Variants in POGZ observed in about 807,000 individuals in gnomAD.
POGZ encodes the protein pogo transposable element derived with ZNF domain.
POGZ carries 17 observed loss-of-function variants against 134.6 expected under a neutral mutation model. The ratio of observed to expected loss-of-function variants is 0.13; its 90% confidence interval spans 0.09 to 0.19. The LOEUF is 0.19. POGZ is among the 10% of genes least tolerant of loss of function. The pLI is 1.00. For synonymous variants in POGZ, 693 were observed against 657.1 expected, an observed-to-expected ratio of 1.05 and a Z score of -0.84; for missense variants, 1,306 against 1,769.7, an observed-to-expected ratio of 0.74 and a Z score of 4.70.
chr1:151,445,535 AAAAGAAAAAAAG>A (rs1449979649), intron 1 of POGZ, among the ~76,000 whole-genome samples: 1 of 151,710 alleles, frequency 6.6e-6, no homozygotes, highest in African/African-American at 2.4e-5. Flanking sequence ...AAAAAAAAAA[AAAAGAAAAAAAG>A]AAAGAGACAA....
intron 1 of POGZ, among the ~76,000 whole-genome samples, chr1:151,454,332 A>G (rs1662509275): frequency 1.3e-5 from 2 of 152,230 alleles, no homozygotes; most frequent in Non-Finnish European, 2.9e-5. Context: ...AAAAAGGACT[A>G]ATACCAGAAA....
At chr1:151,446,995 C>T (rs1661370197) in intron 1 of POGZ, among the ~76,000 whole-genome samples, 1 of 152,060 alleles carries the variant, frequency 6.6e-6, no homozygotes, top group Non-Finnish European at 1.5e-5. Context: ...GCCCCCACTT[C>T]CCTGTATTAT....
At chr1:151,433,186 A>G (rs1249967162) in intron 3 of POGZ, among the ~76,000 whole-genome samples, 1 of 152,244 alleles carries the variant, frequency 6.6e-6, no homozygotes, top group African/African-American at 2.4e-5. Flanking sequence ...AGCATTAGCA[A>G]GTCTCTTAAA....
At chr1:151,444,098 C>T (rs1660941128) in intron 1 of POGZ, among the ~76,000 whole-genome samples, 1 of 152,160 alleles carries the variant, frequency 6.6e-6, no homozygotes, top group Non-Finnish European at 1.5e-5. Context: ...TCAGCTATAG[C>T]CAGGGGCACT....
intron 3 of POGZ, among the ~76,000 whole-genome samples, chr1:151,434,964 G>C (rs1382708195): frequency 6.9e-6 from 1 of 144,904 alleles, no homozygotes; most frequent in Non-Finnish European, 1.5e-5. Context: ...GGAATGGCAT[G>C]ACCTCAGCTC....
chr1:151,414,881 A>C (rs561948266), intron 10 of POGZ, among the ~76,000 whole-genome samples: 1 of 152,334 alleles, frequency 6.6e-6, no homozygotes, highest in South Asian at 2.1e-4. Context: ...GTAACCTTTG[A>C]CACATCAGTT....
intron 1 of POGZ, among the ~76,000 whole-genome samples, chr1:151,449,701 C>T (rs576368741): frequency 6.6e-6 from 1 of 152,096 alleles, no homozygotes; most frequent in African/African-American, 2.4e-5. Context: ...TCAAGACCAT[C>T]CTGGCTAACA....
intron 4 of POGZ, 73 bp from the exon 5 acceptor site, chr1:151,429,784 ATCC>A: frequency 6.4e-6 from 5 of 781,412 alleles, no homozygotes; most frequent in Admixed American, 2.2e-5. Context: ...TATGACCTAC[ATCC>A]AAAAAAAAAT....
At chr1:151,434,375 G>A (rs1659238126) in intron 3 of POGZ, among the ~76,000 whole-genome samples, 1 of 152,070 alleles carries the variant, frequency 6.6e-6, no homozygotes. Context: ...TTGGGGGGCC[G>A]AGGTGGGAGG....
chr1:151,424,152 AGGTGTAGAAGAG>A lies in POGZ; in HGVS notation c.1308_1319del (p.Ser437_Pro440del), dbSNP rs1190058788. On this transcript the variant is annotated inframe_deletion, in exon 9 of 19. Coordinates refer to ENST00000271715, the MANE Select transcript of POGZ (RefSeq NM_015100.4). ...TGGTAGGCGGTGACAGAGCAGGAAT[AGGTGTAGAAGAG>A]GGTGTGGAAGCAACAGGAGCTGTTT... 1 of 1,614,164 alleles carries A rather than the reference AGGTGTAGAAGAG, an allele frequency of 6.2e-7. No homozygotes were observed. Among genetic ancestry groups the A allele is most frequent in the Admixed American group, 1.7e-5 (1 of 60,020 alleles).
At chr1:151,415,620 G>A (rs1357690656) in intron 10 of POGZ, among the ~76,000 whole-genome samples, 2 of 144,272 alleles carry the variant, frequency 1.4e-5, no homozygotes, top group African/African-American at 2.6e-5. Flanking sequence ...GCAGTGAGCC[G>A]AGATCGCACC....
At chr1:151,418,155 G>A (rs890167525) in intron 10 of POGZ, among the ~76,000 whole-genome samples, 20 of 151,986 alleles carry the variant, frequency 1.3e-4, no homozygotes, top group African/African-American at 3.9e-4. Flanking sequence ...GGTGGAGGTT[G>A]TGGTGAGCCA....
chr1:151,440,825 A>C (rs988259590), intron 3 of POGZ, 103 bp downstream of exon 3: 2 of 877,392 alleles, frequency 2.3e-6, no homozygotes, highest in African/African-American at 3.3e-5. Flanking sequence ...AACTAGTAGA[A>C]CCACATCTGT....
chr1:151,435,470 AT>A (rs1050701750), intron 3 of POGZ, among the ~76,000 whole-genome samples: 2 of 150,522 alleles, frequency 1.3e-5, no homozygotes, highest in Non-Finnish European at 3.0e-5. Context: ...TAGTAAAAAT[AT>A]TCCAAAATTT....
intron 3 of POGZ, among the ~76,000 whole-genome samples, chr1:151,432,555 T>TAA (rs1015660127): frequency 5.3e-5 from 8 of 152,222 alleles, no homozygotes; most frequent in Non-Finnish European, 1.0e-4. Flanking sequence ...TTTAAATTTT[T>TAA]AAATGTTTTA....
Position 151,404,725 on chromosome 1 carries a change from C to G in POGZ, c.*77G>C. ...GAAACCAAATACCCCACCTGGTATG[C>G]CCCCTTTTCCCTAAGCCCCTTTACC... On this transcript the variant is annotated 3_prime_UTR_variant, in exon 19 of 19. Coordinates refer to ENST00000271715, the MANE Select transcript of POGZ (RefSeq NM_015100.4). 1 of 1,488,658 alleles carries G rather than the reference C, an allele frequency of 6.7e-7. No individual in the cohort carries two copies. The highest frequency in any genetic ancestry group is 8.9e-7 in the Non-Finnish European group (1 of 1,120,582). 92.2% of individuals were successfully genotyped at this position (1,488,658 alleles called of 1,614,324 possible).
intron 7 of POGZ, chr1:151,426,941 G>A (rs1328857430): frequency 6.6e-6 from 1 of 152,112 alleles, no homozygotes; most frequent in African/African-American, 2.4e-5. Flanking sequence ...GAGACAGGGT[G>A]TCGTTCTGTT....
At chr1:151,456,125 C>A (rs1375319356) in intron 1 of POGZ, among the ~76,000 whole-genome samples, 1 of 152,030 alleles carries the variant, frequency 6.6e-6, no homozygotes, top group Non-Finnish European at 1.5e-5. Context: ...AAATCCATTG[C>A]TATGTCTGGA....
At chr1:151,442,761 T>A (rs1156236023) in intron 1 of POGZ, among the ~76,000 whole-genome samples, 7 of 148,536 alleles carry the variant, frequency 4.7e-5, no homozygotes, top group Non-Finnish European at 8.9e-5. Context: ...CCAGGCACAG[T>A]GGCTTATGCT....
Sources: gnomAD v4.1 joint callset for allele counts (sites outside exome capture counted in the v4.1 genomes callset) on GRCh38, gnomAD v4.1.1 for gene constraint, MANE v1.5 for transcripts, NCBI Gene and HGNC (gene_info 2026-07-23, HGNC 2026-07-21) for gene names.